Variants in MACROD2 observed in about 807,000 individuals in gnomAD.
The protein encoded by MACROD2 is ADP-ribose glycohydrolase MACROD2.
Under a neutral mutation model 70.4 loss-of-function variants are expected in MACROD2, and 36 were observed. That is an observed-to-expected ratio of 0.51 (90% CI 0.39 to 0.68). MACROD2 has a LOEUF of 0.68. MACROD2 is among the 30% of genes least tolerant of loss of function. The probability of loss-of-function intolerance (pLI) is 0.00; values close to 1 mark genes in which losing one functional copy is unlikely to be tolerated. For synonymous variants in MACROD2, 172 were observed against 178.8 expected (o/e 0.96, Z 0.30); for missense variants, 496 against 538.4 (o/e 0.92, Z 0.78).
At chr20:15,851,151 AGGAAG>A (rs1227778009) in intron 8 of MACROD2, among the ~76,000 whole-genome samples, 1 of 152,034 alleles carries the variant, frequency 6.6e-6, no homozygotes, top group Non-Finnish European at 1.5e-5. Context: ...AATTGCAAGT[AGGAAG>A]TTTATCGGAT....
chr20:15,920,871 C>T (rs922120955), intron 10 of MACROD2, among the ~76,000 whole-genome samples: 15 of 152,178 alleles, frequency 9.9e-5, no homozygotes, highest in Non-Finnish European at 1.8e-4. Context: ...AGAGCTTTTG[C>T]AGTAGAGGTC....
intron 5 of MACROD2, among the ~76,000 whole-genome samples, chr20:14,903,039 CTTTTTTTTTT>C (rs11483540): frequency 4.9e-4 from 57 of 116,750 alleles, no homozygotes; most frequent in Non-Finnish European, 7.3e-4. Context: ...TTTTCTTTCC[CTTTTTTTTTT>C]TTTTTTTTTG....
intron 4 of MACROD2, among the ~76,000 whole-genome samples, chr20:14,666,161 G>C (rs1555813279): frequency 1.3e-5 from 2 of 152,000 alleles, no homozygotes; most frequent in Non-Finnish European, 2.9e-5. Flanking sequence ...AATATGCTTT[G>C]GTAAGATTGA....
chr20:14,751,238 T>C (rs1021087715), intron 5 of MACROD2, among the ~76,000 whole-genome samples: 2 of 151,792 alleles, frequency 1.3e-5, no homozygotes, highest in Admixed American at 6.6e-5. Flanking sequence ...TAATGTGAAA[T>C]CCCATTACAC....
At chr20:14,918,608 G>GTTTTTT (rs201816737) in intron 5 of MACROD2, among the ~76,000 whole-genome samples, 1 of 135,602 alleles carries the variant, frequency 7.4e-6, no homozygotes, top group Non-Finnish European at 1.6e-5. Context: ...GTGACACTGT[G>GTTTTTT]TTTTTTTTGT....
At chr20:14,060,187 A>G (rs372739329) in intron 2 of MACROD2, among the ~76,000 whole-genome samples, 2 of 152,254 alleles carry the variant, frequency 1.3e-5, no homozygotes, top group East Asian at 1.9e-4. Context: ...GTAGCTGGCT[A>G]TTTTCCTTCC....
chr20:14,466,568 T>C (rs2084452786), intron 3 of MACROD2, among the ~76,000 whole-genome samples: 1 of 152,158 alleles, frequency 6.6e-6, no homozygotes, highest in African/African-American at 2.4e-5. Flanking sequence ...TTTGTTCCAT[T>C]GCTGGTGACG....
chr20:15,939,517 CA>C (rs915656418), intron 12 of MACROD2, among the ~76,000 whole-genome samples: 3 of 151,404 alleles, frequency 2.0e-5, no homozygotes, highest in African/African-American at 4.9e-5. Context: ...ACCTACTGCT[CA>C]AAAAAAATGA....
Position 15,403,496 on chromosome 20 carries a change from T to C in MACROD2, c.541-27909T>C, listed in dbSNP as rs894565102. Among the ~76,000 whole-genome samples, 6 of 152,090 alleles carry C rather than the reference T, an allele frequency of 3.9e-5. No individual in the cohort carries two copies. In the South Asian group the frequency reaches 8.3e-4, roughly 21 times the overall value. On this transcript the variant is annotated intron_variant, in intron 6 of 17. Transcript: ENST00000684519. ...TTCAATTACAGCAGACACTGTTAGT[T>C]TTCTGTGTAATACCCACTTTTACTT... is the stretch of plus-strand genomic sequence containing the variant.
chr20:16,043,697 C>T (rs774115635), intron 16 of MACROD2, among the ~76,000 whole-genome samples: 15 of 151,990 alleles, frequency 9.9e-5, no homozygotes, highest in Non-Finnish European at 7.4e-5. Flanking sequence ...ATTTCATGGC[C>T]GCTCACTGCC....
At chr20:14,755,139 T>A (rs1384769586) in intron 5 of MACROD2, among the ~76,000 whole-genome samples, 3 of 151,898 alleles carry the variant, frequency 2.0e-5, no homozygotes, top group Admixed American at 2.0e-4. Context: ...TTAGGGTGGG[T>A]GGAGAAACCA....
chr20:15,426,625 TG>T (rs201440781), intron 6 of MACROD2, among the ~76,000 whole-genome samples: 8 of 151,514 alleles, frequency 5.3e-5, no homozygotes, highest in Admixed American at 6.6e-5. Flanking sequence ...TTTTGTTTTT[TG>T]TTTTTGTCTC....
At chr20:14,948,415 G>A (rs2074450039) in intron 5 of MACROD2, among the ~76,000 whole-genome samples, 1 of 152,164 alleles carries the variant, frequency 6.6e-6, no homozygotes, top group African/African-American at 2.4e-5. Context: ...GGCTTTAACA[G>A]TGGGTGGCAT....
intron 4 of MACROD2, among the ~76,000 whole-genome samples, chr20:14,523,098 G>A (rs536426539): frequency 2.0e-5 from 3 of 152,134 alleles, no homozygotes; most frequent in African/African-American, 4.8e-5. Context: ...TCCATTTTCC[G>A]ATTTTCATAG....
At chr20:15,250,406 G>A (rs533652102) in intron 6 of MACROD2, among the ~76,000 whole-genome samples, 7 of 152,278 alleles carry the variant, frequency 4.6e-5, no homozygotes, top group South Asian at 2.1e-4. Flanking sequence ...GGGCACAGAC[G>A]TTGCATTCGC....
intron 9 of MACROD2, among the ~76,000 whole-genome samples, chr20:15,880,550 C>T (rs933100167): frequency 1.3e-5 from 2 of 151,838 alleles, no homozygotes; most frequent in African/African-American, 4.8e-5. Context: ...AAGCCAGTTA[C>T]CACTGGACAA....
At position 14,692,165 on chromosome 20, in the gene MACROD2, A is replaced by G. The variant is rs867657371; in HGVS notation, c.418+7206A>G. On this transcript the variant is annotated intron_variant, in intron 5 of 17. Coordinates refer to ENST00000684519, the MANE Select transcript of MACROD2 (RefSeq NM_001351661.2). ...TGTTTGATACAAATTCTCAGGCCCC[A>G]CCCCACACCTACTGATTCAGAAACC... Among the ~76,000 whole-genome samples, 15 of 152,048 alleles carry G rather than the reference A, an allele frequency of 9.9e-5. No homozygotes were observed. The Middle Eastern group carries it at 0.01, about 104-fold the overall frequency.
chr20:15,624,699 G>A (rs911796273), intron 8 of MACROD2, among the ~76,000 whole-genome samples: 10 of 152,110 alleles, frequency 6.6e-5, no homozygotes, highest in Middle Eastern at 3.2e-3. Context: ...GAGTTGTTAC[G>A]GTGGAAACAA....
intron 6 of MACROD2, among the ~76,000 whole-genome samples, chr20:15,235,030 T>G (rs2077001587): frequency 6.6e-6 from 1 of 152,210 alleles, no homozygotes; most frequent in Non-Finnish European, 1.5e-5. Flanking sequence ...TCACAGCAAT[T>G]TCTTCTTCTA....
Sources: allele counts gnomAD v4.1 joint callset (sites outside exome capture counted in the v4.1 genomes callset), GRCh38; gene constraint gnomAD v4.1.1; transcripts MANE v1.5; gene names NCBI Gene and HGNC (gene_info 2026-07-23, HGNC 2026-07-21).